The following PUM2 variants were observed in gnomAD, a reference collection of about 807,000 sequenced individuals.
The protein encoded by PUM2 is pumilio homolog 2.
In PUM2, 57 loss-of-function variants were observed where a neutral mutation model predicts 124.5. That is an observed-to-expected ratio of 0.46 (90% CI 0.37 to 0.57). The LOEUF is 0.57. Ranked by LOEUF, PUM2 falls within the 20% of genes least tolerant of loss-of-function variation. PUM2 has a pLI of 0.00. For missense variants in PUM2, 1,065 were observed against 1,290.6 expected, an observed-to-expected ratio of 0.83 and a Z score of 2.68; for synonymous variants, 460 against 446.1, an observed-to-expected ratio of 1.03 and a Z score of -0.39.
chr2:20,328,305 G>C (rs1027298199), intron 1 of PUM2, among the ~76,000 whole-genome samples: 1 of 152,132 alleles, frequency 6.6e-6, no homozygotes, highest in Non-Finnish European at 1.5e-5. Context: ...ACTCCAGCCT[G>C]GGCATCGCAG....
At chr2:20,337,597 G>A (rs941068400) in intron 1 of PUM2, among the ~76,000 whole-genome samples, 1 of 152,130 alleles carries the variant, frequency 6.6e-6, no homozygotes, top group Non-Finnish European at 1.5e-5. Flanking sequence ...GCCACATAAA[G>A]CAGGTGGTAT....
At chr2:20,261,066 T>C (rs530468398) in intron 14 of PUM2, among the ~76,000 whole-genome samples, 17 of 152,240 alleles carry the variant, frequency 1.1e-4, no homozygotes, top group African/African-American at 3.6e-4. Context: ...GTGTTCATGA[T>C]GACATAAACC....
At chr2:20,282,240 T>G (rs1394315516) in intron 12 of PUM2, among the ~76,000 whole-genome samples, 1 of 152,228 alleles carries the variant, frequency 6.6e-6, no homozygotes, top group Non-Finnish European at 1.5e-5. Context: ...ACTTAGTTCT[T>G]CCTCTACCAC....
At position 20,290,673 on chromosome 2, in the gene PUM2, C is replaced by A; in HGVS notation, c.1270G>T (p.Gly424Cys). Residue 424 changes from glycine to cysteine, a missense_variant, in exon 10 of 21, where the codon GGT becomes TGT. Around this residue, in one of 3 missense-constraint regions of PUM2, gnomAD observed 968 missense variants for 1,159.8 expected, o/e 0.83. Coordinates refer to ENST00000361078, the MANE Select transcript of PUM2 (RefSeq NM_015317.5). ...ATACCTGGCATGCCAGTAGCAAGAC[C>A]CTGACCAAAAGCCAATGTTGGATTT... ...AANPTLAFGQ[G>C]LATGMPGYQV... 1.9e-6 allele frequency: 3 copies of A among 1,611,882 alleles called. No individual in the cohort carries two copies. The highest frequency in any genetic ancestry group is 2.2e-5 in the East Asian group (1 of 44,798).
At chr2:20,274,209 C>T (rs564963079) in intron 13 of PUM2, among the ~76,000 whole-genome samples, 2 of 152,040 alleles carry the variant, frequency 1.3e-5, no homozygotes, top group East Asian at 3.9e-4. Flanking sequence ...TATGAAGGTG[C>T]TTTAAGAAAA....
Position 20,251,661 on chromosome 2 carries a change from G to T in PUM2, c.3119C>A (p.Ala1040Asp), listed in dbSNP as rs1469096643. 6.2e-7 allele frequency: 1 copy of T among 1,613,468 alleles called. No individual in the cohort carries two copies. The highest frequency in any genetic ancestry group is 8.5e-7 in the Non-Finnish European group (1 of 1,179,558). The change falls in exon 21 of 21, where the codon GCC becomes GAC. Residue 1040 changes from alanine to aspartate, a missense_variant. Around this residue, in one of 3 missense-constraint regions of PUM2, gnomAD observed 968 missense variants for 1,159.8 expected, o/e 0.83. Coordinates refer to ENST00000361078, the MANE Select transcript of PUM2 (RefSeq NM_015317.5). ...RKYTYGKHIL[A>D]KLEKYYLKNS... ...CTTCAAATAATACTTTTCCAACTTG[G>T]CCAGTATATGCTTCCCGTATGTGTA...
chr2:20,275,742 T>C (rs965596059), intron 13 of PUM2, among the ~76,000 whole-genome samples: 5 of 151,864 alleles, frequency 3.3e-5, no homozygotes, highest in African/African-American at 1.2e-4. Flanking sequence ...CATAGGAACA[T>C]CTTAAATACT....
At position 20,255,351 on chromosome 2, in the gene PUM2, A is replaced by G. The variant is rs771233134; in HGVS notation, c.2623-10T>C. The G allele has an allele frequency of 6.2e-7, 1 of 1,607,132 alleles. No homozygotes were observed. Among genetic ancestry groups the G allele is most frequent in the South Asian group, 1.1e-5 (1 of 90,340 alleles). On this transcript the variant is annotated splice_polypyrimidine_tract_variant and intron_variant, in intron 17 of 20. Coordinates refer to ENST00000361078, the MANE Select transcript of PUM2 (RefSeq NM_015317.5). ...TTGAAAGCACAAATACCTGAGGACA[A>G]TTAGAAGAATTAAAATTTGTATTCT...
chr2:20,330,784 T>G (rs1384449989), intron 1 of PUM2, among the ~76,000 whole-genome samples: 1 of 152,254 alleles, frequency 6.6e-6, no homozygotes, highest in Non-Finnish European at 1.5e-5. Context: ...GAAGTCTATG[T>G]GACAACCTAC....
In PUM2 at chr2:20,329,767, T is replaced by A. The variant is rs1684503582; in HGVS notation, c.-18-2389A>T. On this transcript the variant is annotated intron_variant, in intron 1 of 20. Coordinates refer to ENST00000361078, the MANE Select transcript of PUM2 (RefSeq NM_015317.5). ...TTGGATCAGATGTTAAGTGCTCAAGTGCCTTTTTCCCCTGGACCCTAGATT... is the reference window on the plus strand; with the variant it reads ...TTGGATCAGATGTTAAGTGCTCAAGAGCCTTTTTCCCCTGGACCCTAGATT... Among the ~76,000 whole-genome samples the A allele has an allele frequency of 2.0e-5, 3 of 152,198 alleles. No individual in the cohort carries two copies. In the South Asian group the frequency reaches 6.2e-4, roughly 31 times the overall value.
At chr2:20,312,213 A>G (rs1339353797) in intron 4 of PUM2, 23 bp downstream of exon 4, 1 of 1,535,026 alleles carries the variant, frequency 6.5e-7, no homozygotes, top group Non-Finnish European at 8.9e-7. Context: ...AATATTAAAT[A>G]TTTCTTTATT....
Position 20,282,980 on chromosome 2 carries a change from T to C in PUM2, c.1687A>G (p.Ile563Val), listed in dbSNP as rs749445619. 13 of 1,613,950 alleles carry C rather than the reference T, an allele frequency of 8.1e-6. No individual in the cohort carries two copies. Among genetic ancestry groups the C allele is most frequent in the East Asian group, 2.2e-5 (1 of 44,890 alleles). ...FGSGNSLGAA[I>V]GSALSGFGSS... ...CCAAATCCACTGAGGGCTGAGCCTA[T>C]AGCAGCACCCAAAGAGTTACCACTT... The change falls in exon 12 of 21, where the codon ATA (isoleucine) becomes GTA (valine). Residue 563 changes from isoleucine to valine, a missense_variant. Ile to Val is a conservative substitution (Grantham distance 29, BLOSUM62 3). This residue lies in a region of PUM2 where 968 missense variants were observed against 1,159.8 expected (regional missense o/e 0.83). Transcript: ENST00000361078.
At chr2:20,261,130 C>T (rs552008899) in intron 14 of PUM2, among the ~76,000 whole-genome samples, 2 of 152,154 alleles carry the variant, frequency 1.3e-5, no homozygotes, top group South Asian at 4.2e-4. Context: ...GTGGCTCACG[C>T]ATGTAATCTC....
At chr2:20,300,242 C>T (rs1482183544) in intron 7 of PUM2, among the ~76,000 whole-genome samples, 1 of 152,132 alleles carries the variant, frequency 6.6e-6, no homozygotes, top group African/African-American at 2.4e-5. Flanking sequence ...CTCCGCCTCC[C>T]GGGTTCCAGT....
chr2:20,333,701 C>A (rs148395667), intron 1 of PUM2, among the ~76,000 whole-genome samples: 7 of 152,132 alleles, frequency 4.6e-5, no homozygotes, highest in African/African-American at 1.7e-4. Flanking sequence ...TCACTTGAGC[C>A]CAGGAGTTCA....
chr2:20,347,460 C>T (rs564469427), intron 1 of PUM2, among the ~76,000 whole-genome samples: 2 of 152,242 alleles, frequency 1.3e-5, no homozygotes, highest in South Asian at 2.1e-4. Flanking sequence ...ACGCACCTAC[C>T]TAATAATTCT....
rs1294620813 is a variant in PUM2, at chr2:20,251,749, A to T, written c.3064-33T>A. On this transcript the variant is annotated intron_variant, in intron 20 of 20. Transcript: ENST00000361078. ...ACAAATAATCTGCTTAGAAAATCTA[A>T]GTCATTTTAGTTTCTGATTTCTTAA... The T allele has an allele frequency of 3.1e-6, 5 of 1,601,380 alleles. No individual in the cohort carries two copies. In the East Asian group the frequency reaches 1.1e-4, roughly 36 times the overall value.
At chr2:20,335,983 G>A (rs994653026) in intron 1 of PUM2, among the ~76,000 whole-genome samples, 1 of 152,158 alleles carries the variant, frequency 6.6e-6, no homozygotes, top group African/African-American at 2.4e-5. Flanking sequence ...CTTATTTGGA[G>A]AATCAAAATA....
intron 1 of PUM2, among the ~76,000 whole-genome samples, chr2:20,349,181 A>T (rs901741124): frequency 6.6e-6 from 1 of 152,260 alleles, no homozygotes; most frequent in Non-Finnish European, 1.5e-5. Context: ...ACACAGCTTA[A>T]ATTGCTGGAA....
Sources: gnomAD v4.1 joint callset for allele counts (sites outside exome capture counted in the v4.1 genomes callset) on GRCh38, gnomAD v4.1.1 for gene constraint, gnomAD v4.1.1 regional missense constraint, MANE v1.5 for transcripts, NCBI Gene and HGNC (gene_info 2026-07-23, HGNC 2026-07-21) for gene names.